SLIT2: variants seen among roughly 807,000 people sequenced by gnomAD.
SLIT2 encodes slit homolog 2 protein.
A neutral mutation model predicts 185.7 loss-of-function variants in SLIT2; 41 were observed. The observed-to-expected ratio is 0.22, with a 90% CI of 0.17 to 0.29. The LOEUF (loss-of-function observed/expected upper bound fraction) is 0.29, where lower values mean the gene tolerates loss of function less well. Ranked by LOEUF, SLIT2 falls within the 10% of genes least tolerant of loss-of-function variation. The probability of loss-of-function intolerance (pLI) is 1.00; values close to 1 mark genes in which losing one functional copy is unlikely to be tolerated. For synonymous variants in SLIT2, 693 were observed against 680.2 expected, an observed-to-expected ratio of 1.02 and a Z score of -0.29; for missense variants, 1,571 against 1,909.0, an observed-to-expected ratio of 0.82 and a Z score of 3.30.
chr4:20,395,302 G>A (rs1319814562), intron 4 of SLIT2, among the ~76,000 whole-genome samples: 3 of 152,010 alleles, frequency 2.0e-5, no homozygotes, highest in Non-Finnish European at 4.4e-5. Context: ...GAGATTTGGA[G>A]TATGGAAAGG....
At chr4:20,397,924 G>A (rs1382508615) in intron 4 of SLIT2, among the ~76,000 whole-genome samples, 1 of 151,800 alleles carries the variant, frequency 6.6e-6, no homozygotes, top group African/African-American at 2.4e-5. Flanking sequence ...GATACCCATG[G>A]TGTGCAGTGC....
At chr4:20,555,845 T>C (rs528065638) in intron 26 of SLIT2, among the ~76,000 whole-genome samples, 1 of 152,136 alleles carries the variant, frequency 6.6e-6, no homozygotes, top group African/African-American at 2.4e-5. Flanking sequence ...CTTAATATAT[T>C]GCATTGTTTT....
chr4:20,442,543 A>AGG (rs1221386484), intron 4 of SLIT2, among the ~76,000 whole-genome samples: 3 of 125,620 alleles, frequency 2.4e-5, no homozygotes, highest in Non-Finnish European at 3.2e-5. Context: ...AAAAAAAAAA[A>AGG]GGGGGGGGAG....
intron 26 of SLIT2, among the ~76,000 whole-genome samples, chr4:20,557,595 T>C (rs1420643330): frequency 1.3e-5 from 2 of 152,036 alleles, no homozygotes; most frequent in Non-Finnish European, 2.9e-5. Context: ...CTGATGGAAA[T>C]ACACAAGGAG....
chr4:20,326,326 C>G (rs1273798778), intron 4 of SLIT2, among the ~76,000 whole-genome samples: 1 of 151,910 alleles, frequency 6.6e-6, no homozygotes, highest in East Asian at 1.9e-4. Flanking sequence ...AAAACCATGT[C>G]TCTTTTACAC....
rs776319751 is a variant in SLIT2, at chr4:20,524,141, A to C, written c.1402A>C (p.Ile468Leu). 1 of 1,614,066 alleles carries C rather than the reference A, an allele frequency of 6.2e-7. No individual in the cohort carries two copies. The highest frequency in any genetic ancestry group is 1.3e-5 in the African/African-American group (1 of 74,940). Residue 468 changes from isoleucine to leucine, a missense_variant, in exon 14 of 37, where the codon ATT (isoleucine) becomes CTT (leucine). Transcript: ENST00000504154. ...TSPRRLANKR[I>L]GQIKSKKFRC... ...CCCCCGCCGCCTGGCAAACAAAAGA[A>C]TTGGACAGATCAAAAGCAAGAAATT...
intron 4 of SLIT2, chr4:20,364,268 C>T (rs1339492636): frequency 1.0e-6 from 1 of 984,980 alleles, no homozygotes; most frequent in African/African-American, 1.7e-5. Context: ...ATCCTTTCTG[C>T]CTGCACATAT....
intron 9 of SLIT2, among the ~76,000 whole-genome samples, chr4:20,505,316 A>T (rs2148818308): frequency 6.6e-6 from 1 of 152,228 alleles, no homozygotes; most frequent in East Asian, 1.9e-4. Context: ...TGTCTATATA[A>T]GTGCAAAGCT....
At chr4:20,322,834 A>G (rs1482128071) in intron 4 of SLIT2, among the ~76,000 whole-genome samples, 1 of 152,158 alleles carries the variant, frequency 6.6e-6, no homozygotes, top group African/African-American at 2.4e-5. Context: ...GACTAATGGT[A>G]TTGAACACTC....
At chr4:20,593,169 G>C (rs1727649588) in intron 30 of SLIT2, among the ~76,000 whole-genome samples, 1 of 151,960 alleles carries the variant, frequency 6.6e-6, no homozygotes, top group Admixed American at 6.6e-5. Flanking sequence ...ACTATATAGA[G>C]AATTATTTTA....
chr4:20,504,917 T>G (rs1403650915), intron 9 of SLIT2, among the ~76,000 whole-genome samples: 1 of 150,162 alleles, frequency 6.7e-6, no homozygotes, highest in African/African-American at 2.4e-5. Context: ...TTATTGTTAA[T>G]CTCTTTAAAC....
chr4:20,455,990 G>C (rs565350431), intron 4 of SLIT2, among the ~76,000 whole-genome samples: 31 of 152,178 alleles, frequency 2.0e-4, no homozygotes, highest in African/African-American at 7.2e-4. Context: ...ATTCTAGAAG[G>C]AAGTCATAGT....
At position 20,531,753 on chromosome 4, in the gene SLIT2, T is replaced by TTG. The variant is rs546627068; in HGVS notation, c.1614-227_1614-226dup. On this transcript the variant is annotated intron_variant, in intron 16 of 36. Transcript: ENST00000504154. The stretch of plus-strand genomic sequence containing the variant: ...GATTACTGAGAGCTGGTTTTGATCT[T>TTG]TGTGTTTTTTTTTTTTTACTGTGTG... Among the ~76,000 whole-genome samples, 697 of 148,018 alleles carry TTG rather than the reference T, an allele frequency of 4.7e-3. 6 individuals are homozygous for TTG. Among genetic ancestry groups the TTG allele is most frequent in the African/African-American group, 0.016 (664 of 40,480 alleles).
At chr4:20,533,346 T>C in intron 17 of SLIT2, 1 of 537,316 alleles carries the variant, frequency 1.9e-6, no homozygotes, top group Non-Finnish European at 3.3e-6. Context: ...CCTTGGAGAG[T>C]ATGACATGAG....
rs1475616229 is a variant in SLIT2, at chr4:20,542,550, T to C, written c.2200T>C (p.Leu734=). 1 of 1,613,806 alleles carries C rather than the reference T, an allele frequency of 6.2e-7. No homozygotes were observed. The highest frequency in any genetic ancestry group is 1.1e-5 in the South Asian group (1 of 91,066). Residue 734 remains leucine (L), a synonymous_variant, in exon 21 of 37, where the codon TTG becomes CTG. Transcript: ENST00000504154. The part of the protein sequence containing the change: ...LSRCPTECTC[L]DTVVRCSNKG... ...TCGCTGTCCTACTGAATGTACTTGC[T>C]TGGATACAGTCGTCCGATGTAGCAA...
chr4:20,524,667 T>G (rs1247474491), intron 14 of SLIT2, among the ~76,000 whole-genome samples: 2 of 152,234 alleles, frequency 1.3e-5, no homozygotes, highest in Non-Finnish European at 2.9e-5. Context: ...TTTCTCAGTT[T>G]GCATTCTCTT....
chr4:20,318,485 A>G (rs573631367), intron 4 of SLIT2, among the ~76,000 whole-genome samples: 3 of 152,326 alleles, frequency 2.0e-5, no homozygotes, highest in East Asian at 1.9e-4. Flanking sequence ...GAAGAAAATA[A>G]TGATGAAACG....
chr4:20,515,736 C>T (rs1720144002), intron 11 of SLIT2, among the ~76,000 whole-genome samples: 2 of 152,088 alleles, frequency 1.3e-5, no homozygotes. Context: ...AAAGTATCTG[C>T]CCATAACACC....
At chr4:20,530,963 T>TAAAAAA (rs879336596) in intron 16 of SLIT2, among the ~76,000 whole-genome samples, 1 of 123,164 alleles carries the variant, frequency 8.1e-6, no homozygotes, top group African/African-American at 2.9e-5. Flanking sequence ...CTGGAATGGC[T>TAAAAAA]AAAAAAAAAA....
Sources: gnomAD v4.1 joint callset for allele counts (sites outside exome capture counted in the v4.1 genomes callset) on GRCh38, gnomAD v4.1.1 for gene constraint, MANE v1.5 for transcripts, NCBI Gene and HGNC (gene_info 2026-07-23, HGNC 2026-07-21) for gene names.